RYR1: variants seen among roughly 807,000 people sequenced by gnomAD.
The protein encoded by RYR1 is central core disease of muscle.
Under a neutral mutation model 583.5 loss-of-function variants are expected in RYR1, and 342 were observed. The ratio of observed to expected loss-of-function variants is 0.59; its 90% CI spans 0.54 to 0.64. The LOEUF is 0.64. Among genes scored for constraint, RYR1 ranks in the 30% least tolerant of loss-of-function variants. The pLI is 0.00. For synonymous variants in RYR1, 2,791 were observed against 2,822.5 expected, an observed-to-expected ratio of 0.99 and a Z score of 0.35; for missense variants, 6,032 against 6,917.2, an observed-to-expected ratio of 0.87 and a Z score of 4.54.
rs545688934 is a variant in RYR1 at position 38,504,859 on chromosome 19, G to A, written c.8179G>A (p.Ala2727Thr). ...ATACTCATCTAAGGCAGAGAAAAAGGCCACAGTGGATGCTGAAGGCAACTT... is the reference window on the plus strand; with the variant it reads ...ATACTCATCTAAGGCAGAGAAAAAGACCACAGTGGATGCTGAAGGCAACTT... ...ASYSSKAEKK[A>T]TVDAEGNFDP... Residue 2727 changes from alanine to threonine, a missense_variant, in exon 51 of 106, where the codon GCC (alanine) becomes ACC (threonine). By Grantham distance (58) the Ala-to-Thr change is moderately conservative. Coordinates refer to ENST00000359596, the MANE Select transcript of RYR1 (RefSeq NM_000540.3). 135 of 1,614,144 alleles carry A rather than the reference G, an allele frequency of 8.4e-5. 3 individuals carry two copies. The South Asian group carries it at 1.5e-3, about 17-fold the overall frequency.
At chr19:38,563,019 A>G (rs1973223317) in intron 90 of RYR1, among the ~76,000 whole-genome samples, 1 of 152,126 alleles carries the variant, frequency 6.6e-6, no homozygotes, top group South Asian at 2.1e-4. Flanking sequence ...CCTCTGCAGG[A>G]AGCCCCTGTT....
intron 26 of RYR1, 68 bp from the exon 27 acceptor site, chr19:38,469,237 T>C (rs1002980368): frequency 6.2e-7 from 1 of 1,604,774 alleles, no homozygotes; most frequent in Non-Finnish European, 8.5e-7. Flanking sequence ...CATCCCTACC[T>C]CCTCCCCTCG....
chr19:38,463,828 C>T lies in RYR1; in HGVS notation c.2764C>T (p.Gln922Ter). Reference protein sequence around the residue: ...LPEPERNYNLQMSGETLKTLL... With the variant: ...LPEPERNYNL The stretch of plus-strand genomic sequence containing the variant: ...AGAGCCTGAGAGGAACTACAACCTG[C>T]AGATGTCTGGGGAGACGCTCAAGTG... The change falls in exon 22 of 106, where the codon CAG becomes TAG. Residue 922 changes from glutamine (Q) to a stop codon, truncating the protein, a stop_gained. Transcript: ENST00000359596. LOFTEE classifies it high-confidence loss of function. The T allele has an allele frequency of 6.2e-7, 1 of 1,613,654 alleles. No individual in the cohort carries two copies. The highest frequency in any genetic ancestry group is 8.5e-7 in the Non-Finnish European group (1 of 1,179,858).
At chr19:38,539,662 G>T (rs541930983) in intron 84 of RYR1, among the ~76,000 whole-genome samples, 1 of 152,268 alleles carries the variant, frequency 6.6e-6, no homozygotes, top group African/African-American at 2.4e-5. Context: ...AGGGATTGCT[G>T]TCTCCCAACA....
intron 89 of RYR1, among the ~76,000 whole-genome samples, chr19:38,552,872 GA>G (rs1227398571): frequency 6.6e-6 from 1 of 152,132 alleles, no homozygotes; most frequent in East Asian, 1.9e-4. Flanking sequence ...ATTCACAATT[GA>G]AAATGAGTAA....
intron 105 of RYR1, among the ~76,000 whole-genome samples, chr19:38,586,903 A>G (rs1195334906): frequency 6.6e-6 from 1 of 152,090 alleles, no homozygotes; most frequent in East Asian, 1.9e-4. Flanking sequence ...CCCAGGAGGC[A>G]GAAGTTGCAG....
chr19:38,520,693 C>CAAAAAAAAAAAAAAA lies in RYR1; in HGVS notation c.10259+1251_10259+1265dup, dbSNP rs71165555. Among the ~76,000 whole-genome samples, 45 of 46,900 alleles carry CAAAAAAAAAAAAAAA rather than the reference C, an allele frequency of 9.6e-4. 3 individuals are homozygous for CAAAAAAAAAAAAAAA. In the East Asian group the frequency reaches 0.014, roughly 15 times the overall value. The allele number at this position is 46,900 out of a possible 152,430, so 30.8% of individuals were successfully genotyped here. A position where few individuals can be genotyped will look rare whatever the true frequency, so the allele number is the denominator to read the frequency against. On this transcript the variant is annotated intron_variant, in intron 67 of 105. Coordinates refer to ENST00000359596, the MANE Select transcript of RYR1 (RefSeq NM_000540.3). ...CTAGGAACAGAGCGAGGCTCCACCT[C>CAAAAAAAAAAAAAAA]AAAAAAAAAAAAAAAAAAAAAAAAA...
rs897445084 is a variant in RYR1, at chr19:38,504,673, T to A, written c.8068-75T>A. ...CAGGGAGGAGGGCTGATGATTGCAG[T>A]GTGTGAGTTTGAGGTCCTGGGGGTC... On this transcript the variant is annotated intron_variant, in intron 50 of 105. Coordinates refer to ENST00000359596, the MANE Select transcript of RYR1 (RefSeq NM_000540.3). 5.7e-6 allele frequency: 9 copies of A among 1,579,432 alleles called. No homozygotes were observed. The South Asian group carries it at 7.8e-5, about 14-fold the overall frequency.
At chr19:38,523,768 C>T (rs1971330988) in intron 69 of RYR1, 147 bp from the exon 70 acceptor site, 8 of 1,032,824 alleles carry the variant, frequency 7.7e-6, no homozygotes, top group East Asian at 7.4e-5. Context: ...CCCCCCACCC[C>T]GAGCCAAGGC....
intron 51 of RYR1, 33 bp downstream of exon 51, chr19:38,504,944 G>T: frequency 6.2e-7 from 1 of 1,614,158 alleles, no homozygotes; most frequent in Non-Finnish European, 8.5e-7. Flanking sequence ...CAGAGAGGAA[G>T]ATTTCAGGGG....
chr19:38,435,333 C>T (rs1451509587), intron 1 of RYR1, among the ~76,000 whole-genome samples: 2 of 152,192 alleles, frequency 1.3e-5, no homozygotes, highest in African/African-American at 4.8e-5. Flanking sequence ...CCCAGACTTG[C>T]CAAAGTAGTC....
At position 38,525,317 on chromosome 19, in the gene RYR1, C is replaced by A; in HGVS notation, c.10456-15C>A. 6.2e-7 allele frequency: 1 copy of A among 1,613,756 alleles called. No homozygotes were observed. The highest frequency in any genetic ancestry group is 8.5e-7 in the Non-Finnish European group (1 of 1,179,930). ...ATTGGGGCTTGGGCTGGTGCTGAGC[C>A]CTGTGTCCCCACAGTCCGGTGGCTC... is the stretch of plus-strand genomic sequence containing the variant. On this transcript the variant is annotated splice_polypyrimidine_tract_variant and intron_variant, in intron 70 of 105. Coordinates refer to ENST00000359596, the MANE Select transcript of RYR1 (RefSeq NM_000540.3).
intron 1 of RYR1, among the ~76,000 whole-genome samples, chr19:38,434,491 C>T (rs894923392): frequency 2.6e-5 from 4 of 152,104 alleles, no homozygotes; most frequent in African/African-American, 9.7e-5. Context: ...CTTTGGGTGT[C>T]TCCATGTCTC....
chr19:38,527,977 GGGC>G, intron 73 of RYR1, 193 bp downstream of exon 73: 1 of 657,010 alleles, frequency 1.5e-6, no homozygotes, highest in Admixed American at 2.9e-5. Flanking sequence ...TTGCATCTGG[GGGC>G]GGGACAGGGA....
Position 38,450,512 on chromosome 19 carries a change from GCT to G in RYR1, c.1123-1247_1123-1246del, listed in dbSNP as rs199849519. Among the ~76,000 whole-genome samples, 1,413 of 152,184 alleles carry G rather than the reference GCT, an allele frequency of 9.3e-3. 24 individuals carry two copies. The highest frequency in any genetic ancestry group is 0.035 in the Admixed American group (529 of 15,272). ...GGACATTTAATAGGCGAAAGAAGGA[GCT>G]CTCTACTGCAGAGAAGGGTCCCAGA... On this transcript the variant is annotated intron_variant, in intron 11 of 105. Coordinates refer to ENST00000359596, the MANE Select transcript of RYR1 (RefSeq NM_000540.3).
intron 37 of RYR1, among the ~76,000 whole-genome samples, chr19:38,491,151 T>C (rs539446615): frequency 5.3e-5 from 8 of 152,322 alleles, no homozygotes; most frequent in African/African-American, 1.9e-4. Context: ...TTGCACATGA[T>C]GAATTATTTT....
chr19:38,489,237 G>T lies in RYR1; in HGVS notation c.5608G>T (p.Val1870Phe), dbSNP rs1027874000. 1 of 1,613,852 alleles carries T rather than the reference G, an allele frequency of 6.2e-7. No homozygotes were observed. The highest frequency in any genetic ancestry group is 8.5e-7 in the Non-Finnish European group (1 of 1,179,832). Residue 1870 changes from valine to phenylalanine, a missense_variant, in exon 35 of 106, where the codon GTC becomes TTC. Coordinates refer to ENST00000359596, the MANE Select transcript of RYR1 (RefSeq NM_000540.3). ...KQILKMIEPE[V>F]FTEEEEEEDE... ...GATCTTGAAGATGATTGAGCCTGAG[G>T]TCTTCACTGAGGAAGAAGAGGAGGA...
At chr19:38,531,467 A>C (rs1177010023) in intron 76 of RYR1, among the ~76,000 whole-genome samples, 1 of 151,874 alleles carries the variant, frequency 6.6e-6, no homozygotes, top group African/African-American at 2.4e-5. Context: ...TAGTGTAAAC[A>C]CTCAGCAGGT....
In RYR1 at chr19:38,585,976, C is replaced by T; in HGVS notation, c.14842C>T (p.Gln4948Ter). The T allele has an allele frequency of 6.2e-7, 1 of 1,613,974 alleles. No homozygotes were observed. The change falls in exon 103 of 106, where the codon CAA becomes TAA. Residue 4948 changes from glutamine to a stop codon, truncating the protein, a stop_gained. Coordinates refer to ENST00000359596, the MANE Select transcript of RYR1 (RefSeq NM_000540.3). LOFTEE classifies it high-confidence loss of function. ...CGCTTTTGGTGAGCTCCGAGACCAA[C>T]AAGAGCAAGTGAAGGAGGATATGGA... ...IDAFGELRDQQEQVKEDMETK... is the reference protein window; with the variant it reads ...IDAFGELRDQ
Sources: gnomAD v4.1 joint callset for allele counts (sites outside exome capture counted in the v4.1 genomes callset) on GRCh38, gnomAD v4.1.1 for gene constraint, MANE v1.5 for transcripts, NCBI Gene and HGNC (gene_info 2026-07-23, HGNC 2026-07-21) for gene names.